NAALADL2: variants seen among roughly 807,000 people sequenced by gnomAD.
The protein encoded by NAALADL2 is inactive N-acetylated-alpha-linked acidic dipeptidase-like protein 2.
NAALADL2 carries 76 observed loss-of-function variants against 87.2 expected under a neutral mutation model. That is an observed-to-expected ratio of 0.87 (90% CI 0.72 to 1.05). NAALADL2 has a LOEUF of 1.05. Ranked by LOEUF, NAALADL2 falls within the 50% of genes least tolerant of loss-of-function variation. The pLI is 0.00. For synonymous variants in NAALADL2, 354 were observed against 331.0 expected, an observed-to-expected ratio of 1.07 and a Z score of -0.75; for missense variants, 1,089 against 945.8, an observed-to-expected ratio of 1.15 and a Z score of -1.99.
chr3:175,293,051 A>AG (rs1755857693), intron 4 of NAALADL2, among the ~76,000 whole-genome samples: 1 of 151,200 alleles, frequency 6.6e-6, no homozygotes, highest in African/African-American at 2.4e-5. Flanking sequence ...AAAAAAAAAA[A>AG]AAAAAAAAAA....
chr3:175,781,084 A>G (rs1025575668), intron 13 of NAALADL2, among the ~76,000 whole-genome samples: 1 of 152,228 alleles, frequency 6.6e-6, no homozygotes, highest in Non-Finnish European at 1.5e-5. Flanking sequence ...TATTTTTAAG[A>G]GATTAAATAT....
intron 3 of NAALADL2, among the ~76,000 whole-genome samples, chr3:174,757,603 T>C (rs976882009): frequency 6.6e-6 from 1 of 152,082 alleles, no homozygotes; most frequent in Admixed American, 6.5e-5. Context: ...GCGATTCTCC[T>C]GCCTCAGCCT....
At chr3:174,801,913 T>C (rs1718878987) in intron 3 of NAALADL2, among the ~76,000 whole-genome samples, 1 of 152,122 alleles carries the variant, frequency 6.6e-6, no homozygotes, top group South Asian at 2.1e-4. Context: ...TACTAATGGA[T>C]TGTGATTTGT....
intron 9 of NAALADL2, among the ~76,000 whole-genome samples, chr3:175,522,974 T>G (rs1353829147): frequency 6.6e-6 from 1 of 152,198 alleles, no homozygotes; most frequent in African/African-American, 2.4e-5. Context: ...CTACCATTCC[T>G]TTAAACGAGA....
At chr3:175,500,971 G>A (rs1729467373) in intron 9 of NAALADL2, among the ~76,000 whole-genome samples, 1 of 152,112 alleles carries the variant, frequency 6.6e-6, no homozygotes, top group Non-Finnish European at 1.5e-5. Context: ...TGATAGTTCT[G>A]GGAATAGTGA....
chr3:175,076,034 C>T (rs1016715597), intron 1 of NAALADL2, among the ~76,000 whole-genome samples: 1 of 151,934 alleles, frequency 6.6e-6, no homozygotes, highest in Non-Finnish European at 1.5e-5. Context: ...TCAAGACCAG[C>T]CTGGGCAACA....
intron 5 of NAALADL2, among the ~76,000 whole-genome samples, chr3:175,376,883 T>G (rs1191919581): frequency 6.6e-6 from 1 of 152,204 alleles, no homozygotes; most frequent in Non-Finnish European, 1.5e-5. Context: ...CTTCTGCAGT[T>G]TCTAATCTAC....
intron 5 of NAALADL2, among the ~76,000 whole-genome samples, chr3:175,419,394 A>G (rs1020727952): frequency 2.0e-5 from 3 of 151,938 alleles, no homozygotes; most frequent in East Asian, 3.8e-4. Flanking sequence ...AGCAAAAATT[A>G]TATAAAAAAT....
intron 5 of NAALADL2, among the ~76,000 whole-genome samples, chr3:175,380,824 G>A (rs534696825): frequency 3.9e-5 from 6 of 151,906 alleles, no homozygotes; most frequent in South Asian, 4.1e-4. Flanking sequence ...CAGAGTATAC[G>A]AACTCTGTGT....
intron 2 of NAALADL2, among the ~76,000 whole-genome samples, chr3:174,730,232 C>G (rs141214841): frequency 6.6e-6 from 1 of 152,088 alleles, no homozygotes; most frequent in Non-Finnish European, 1.5e-5. Flanking sequence ...CGGTTGTAAC[C>G]CTATGACAAG....
chr3:175,065,665 T>C (rs569712259), intron 1 of NAALADL2, among the ~76,000 whole-genome samples: 6 of 152,102 alleles, frequency 3.9e-5, no homozygotes, highest in Non-Finnish European at 4.4e-5. Flanking sequence ...TTTCAACATA[T>C]GGTAAGCTCT....
intron 2 of NAALADL2, among the ~76,000 whole-genome samples, chr3:174,596,946 G>A (rs991949989): frequency 1.3e-5 from 2 of 152,122 alleles, no homozygotes; most frequent in African/African-American, 4.8e-5. Flanking sequence ...CTTCTATTGG[G>A]CTCTCATCCT....
intron 9 of NAALADL2, among the ~76,000 whole-genome samples, chr3:175,490,585 C>A (rs1325840358): frequency 6.7e-6 from 1 of 149,266 alleles, no homozygotes; most frequent in Non-Finnish European, 1.5e-5. Context: ...TTACTAGAGA[C>A]ATGGTTTCAC....
intron 2 of NAALADL2, among the ~76,000 whole-genome samples, chr3:174,681,873 A>G (rs1560140796): frequency 6.6e-6 from 1 of 152,166 alleles, no homozygotes; most frequent in Non-Finnish European, 1.5e-5. Flanking sequence ...CTTTGATTGC[A>G]TTTCTGGACC....
At chr3:174,835,596 C>A (rs1723238068) in intron 3 of NAALADL2, among the ~76,000 whole-genome samples, 1 of 152,104 alleles carries the variant, frequency 6.6e-6, no homozygotes, top group Admixed American at 6.5e-5. Context: ...ATTTGTAAAT[C>A]ATATATCTGA....
At position 174,561,550 on chromosome 3, in the gene NAALADL2, G is replaced by A. The variant is rs551666629; in HGVS notation, c.-115+10913G>A. Among the ~76,000 whole-genome samples, 3 of 152,124 alleles carry A rather than the reference G, an allele frequency of 2.0e-5. No individual in the cohort carries two copies. In the East Asian group the frequency reaches 5.9e-4, roughly 30 times the overall value. The stretch of plus-strand genomic sequence containing the variant: ...AGGGTGGTCACACATCACCTAAGGA[G>A]TGATGAAGGATGAGGAACCTGATCA... On this transcript the variant is annotated intron_variant, in intron 2 of 3. Coordinates refer to the NAALADL2 transcript ENST00000434257.
intron 1 of NAALADL2, among the ~76,000 whole-genome samples, chr3:174,454,950 G>GT (rs201906958): frequency 0.046 from 6,427 of 141,122 alleles, 386 homozygotes; most frequent in African/African-American, 0.14. Flanking sequence ...TCCAGGAGTT[G>GT]TTTTTTTTTT....
At chr3:175,135,164 C>A (rs1008764450) in intron 2 of NAALADL2, among the ~76,000 whole-genome samples, 1 of 151,934 alleles carries the variant, frequency 6.6e-6, no homozygotes, top group Non-Finnish European at 1.5e-5. Context: ...TGCTTAAAAT[C>A]GCTGTAAGTG....
intron 9 of NAALADL2, among the ~76,000 whole-genome samples, chr3:175,509,957 T>C (rs1693588309): frequency 6.6e-6 from 1 of 152,098 alleles, no homozygotes; most frequent in Non-Finnish European, 1.5e-5. Flanking sequence ...CCCATTAACT[T>C]GTCATTTAGC....
Sources: allele counts gnomAD v4.1 joint callset (sites outside exome capture counted in the v4.1 genomes callset), GRCh38; gene constraint gnomAD v4.1.1; transcripts MANE v1.5; gene names NCBI Gene and HGNC (gene_info 2026-07-23, HGNC 2026-07-21).